The following RIMBP2 variants were observed in gnomAD, a reference collection of about 807,000 sequenced individuals.
RIMBP2 encodes the protein RIMS-binding protein 2.
RIMBP2 carries 48 observed loss-of-function variants against 118.6 expected under a neutral mutation model. The observed-to-expected ratio is 0.40, with a 90% confidence interval of 0.32 to 0.51. The LOEUF (loss-of-function observed/expected upper bound fraction) is 0.51, where lower values mean the gene tolerates loss of function less well. Ranked by LOEUF, RIMBP2 falls within the 20% of genes least tolerant of loss-of-function variation. The probability of loss-of-function intolerance (pLI) is 0.41; values close to 1 mark genes in which losing one functional copy is unlikely to be tolerated. For synonymous variants in RIMBP2, 762 were observed against 742.9 expected (o/e 1.03, Z -0.42); for missense variants, 1,551 against 1,768.3 (o/e 0.88, Z 2.20).
chr12:130,659,773 TAC>T (rs1170318573), intron 1 of RIMBP2, among the ~76,000 whole-genome samples: 1 of 151,418 alleles, frequency 6.6e-6, no homozygotes, highest in African/African-American at 2.4e-5. Flanking sequence ...AGGAGTTAGA[TAC>T]CAGCCTGGCC....
chr12:130,458,070 T>TCCCCCCCC (rs2079610108), intron 6 of RIMBP2, among the ~76,000 whole-genome samples: 1 of 79,586 alleles, frequency 1.3e-5, no homozygotes, highest in Admixed American at 1.3e-4. Flanking sequence ...GCCCCCCACC[T>TCCCCCCCC]CCCCCTCCCC....
chr12:130,479,129 C>G, intron 4 of RIMBP2, 113 bp from the exon 5 acceptor site: 1 of 707,382 alleles, frequency 1.4e-6, no homozygotes, highest in South Asian at 2.5e-5. Context: ...CAGAGCAGCC[C>G]CTCACCGCCC....
chr12:130,400,964 T>C (rs2074483631), intron 21 of RIMBP2, among the ~76,000 whole-genome samples: 1 of 152,020 alleles, frequency 6.6e-6, no homozygotes. Context: ...CTCGTGCACT[T>C]TTGGTGGGAA....
rs752424011 is a variant in RIMBP2 at position 130,469,283 on chromosome 12, C to T, written c.153+1410G>A. The T allele has an allele frequency of 2.6e-5, 4 of 152,466 alleles. No homozygotes were observed. Among genetic ancestry groups the T allele is most frequent in the Non-Finnish European group, 5.9e-5 (4 of 68,052 alleles). 9.4% of individuals were successfully genotyped at this position (152,466 alleles called of 1,614,324 possible). ...GAACCAAAGCACGCTGCGTTGCGAC[C>T]GTCACCACATTTGAAAGCATGCACC... On this transcript the variant is annotated intron_variant, in intron 6 of 22. Transcript: ENST00000690449. The surrounding 1 kb of genome is among the most constrained non-coding windows in gnomAD (Gnocchi z 4.8).
At chr12:130,618,654 T>C (rs1331391500) in intron 2 of RIMBP2, among the ~76,000 whole-genome samples, 2 of 152,104 alleles carry the variant, frequency 1.3e-5, no homozygotes, top group Non-Finnish European at 2.9e-5. Flanking sequence ...TGAAGGCAGG[T>C]GGGAGGCTCC....
At chr12:130,423,674 AAATAG>A (rs2076566323) in intron 16 of RIMBP2, among the ~76,000 whole-genome samples, 1 of 145,638 alleles carries the variant, frequency 6.9e-6, no homozygotes, top group Non-Finnish European at 1.5e-5. Flanking sequence ...AAAAAAAAAA[AAATAG>A]ATTTCTTCAA....
intron 4 of RIMBP2, among the ~76,000 whole-genome samples, chr12:130,502,280 G>A (rs933336603): frequency 4.6e-5 from 7 of 152,172 alleles, no homozygotes; most frequent in African/African-American, 7.2e-5. Flanking sequence ...GACTGTGACC[G>A]CTTCAAGCCC....
chr12:130,438,099 C>T (rs1877988), intron 12 of RIMBP2, among the ~76,000 whole-genome samples: 151,372 of 152,332 alleles, frequency 0.99, 75,218 homozygotes, highest in Middle Eastern at 1. Context: ...AATGTTCTGA[C>T]ACTAGGGGTC....
At chr12:130,456,844 TGTG>T in intron 6 of RIMBP2, 144 bp from the exon 7 acceptor site, 1 of 626,458 alleles carries the variant, frequency 1.6e-6, no homozygotes, top group Non-Finnish European at 2.8e-6. Context: ...AAAATGCATG[TGTG>T]GTTGAGTGTG....
intron 4 of RIMBP2, among the ~76,000 whole-genome samples, chr12:130,491,221 G>A (rs924531213): frequency 6.6e-6 from 1 of 152,150 alleles, no homozygotes; most frequent in African/African-American, 2.4e-5. Flanking sequence ...CTTGAAGCAG[G>A]TGATATTTTT....
chr12:130,543,753 G>A (rs2054827821), intron 2 of RIMBP2, among the ~76,000 whole-genome samples: 1 of 144,976 alleles, frequency 6.9e-6, no homozygotes, highest in South Asian at 2.3e-4. Flanking sequence ...GGGTGCACCA[G>A]GTGGAAAAAA....
rs372624031 is a variant in RIMBP2 at position 130,700,765 on chromosome 12, C to G, written c.-352+15457G>C. Among the ~76,000 whole-genome samples the G allele has an allele frequency of 7.2e-5, 11 of 152,330 alleles. No individual in the cohort carries two copies. In the East Asian group the frequency reaches 1.2e-3, roughly 16 times the overall value. On this transcript the variant is annotated intron_variant, in intron 1 of 22. Transcript: ENST00000690449. Reference sequence around the variant, plus strand: ...CCTAGTTCATTCTAAGTTATTATGACAGCTGCAGGAAACTGATCCAACCAC... The same window carrying G: ...CCTAGTTCATTCTAAGTTATTATGAGAGCTGCAGGAAACTGATCCAACCAC...
At chr12:130,646,999 A>G (rs2063013986) in intron 1 of RIMBP2, among the ~76,000 whole-genome samples, 2 of 152,366 alleles carry the variant, frequency 1.3e-5, no homozygotes, top group East Asian at 3.9e-4. Context: ...AGACATATGC[A>G]TGTGAGGCAG....
At chr12:130,644,568 T>A (rs2062764287) in intron 1 of RIMBP2, among the ~76,000 whole-genome samples, 1 of 152,224 alleles carries the variant, frequency 6.6e-6, no homozygotes, top group Non-Finnish European at 1.5e-5. Flanking sequence ...CAAATTAATT[T>A]GTGCAAGGTA....
intron 1 of RIMBP2, among the ~76,000 whole-genome samples, chr12:130,709,727 C>A (rs371527301): frequency 8.5e-5 from 13 of 152,166 alleles, no homozygotes; most frequent in African/African-American, 2.7e-4. Context: ...TGAGGAAACC[C>A]CCCCCCTTCC....
chr12:130,405,404 A>C (rs2075065334), intron 21 of RIMBP2, among the ~76,000 whole-genome samples: 1 of 152,182 alleles, frequency 6.6e-6, no homozygotes, highest in African/African-American at 2.4e-5. Context: ...GTTCTTGCCG[A>C]TTCTGATAAA....
intron 1 of RIMBP2, among the ~76,000 whole-genome samples, chr12:130,635,990 C>A (rs1262643549): frequency 6.6e-6 from 1 of 152,146 alleles, no homozygotes; most frequent in Non-Finnish European, 1.5e-5. Flanking sequence ...TGCCTTCCAG[C>A]CTCCGAGTGA....
rs934823485 is a variant in RIMBP2 at position 130,462,488 on chromosome 12, C to T, written c.154-5788G>A. Among the ~76,000 whole-genome samples the T allele has an allele frequency of 5.9e-5, 9 of 152,244 alleles. No individual in the cohort carries two copies. In the Middle Eastern group the frequency reaches 0.017, roughly 288 times the overall value. On this transcript the variant is annotated intron_variant, in intron 6 of 22. Coordinates refer to ENST00000690449, the MANE Select transcript of RIMBP2 (RefSeq NM_001393629.1). The stretch of plus-strand genomic sequence containing the variant: ...CCATAAGCATAAGGGATGGGAGAAA[C>T]GGGCATTCGTTGGTTAAAGTGAAGA...
At chr12:130,441,152 C>T (rs896969212) in intron 11 of RIMBP2, among the ~76,000 whole-genome samples, 4 of 151,992 alleles carry the variant, frequency 2.6e-5, no homozygotes, top group Non-Finnish European at 5.9e-5. Context: ...CCTGTAATTC[C>T]GACACTTTGA....
Sources: allele counts gnomAD v4.1 joint callset (sites outside exome capture counted in the v4.1 genomes callset), GRCh38; gene constraint gnomAD v4.1.1; non-coding constraint Gnocchi (gnomAD v3.1); transcripts MANE v1.5; gene names NCBI Gene and HGNC (gene_info 2026-07-23, HGNC 2026-07-21).